The following DLGAP1 variants were observed in gnomAD, a reference collection of about 807,000 sequenced individuals.
DLGAP1 encodes disks large-associated protein 1.
DLGAP1 carries 11 observed loss-of-function variants against 90.8 expected under a neutral mutation model. The observed-to-expected ratio is 0.12, with a 90% CI of 0.08 to 0.20. The LOEUF (loss-of-function observed/expected upper bound fraction) is 0.20, where lower values mean the gene tolerates loss of function less well. Among genes scored for constraint, DLGAP1 ranks in the 10% least tolerant of loss-of-function variants. The pLI is 1.00. For missense variants in DLGAP1, 1,050 were observed against 1,333.8 expected (o/e 0.79, Z 3.31); for synonymous variants, 558 against 540.7 (o/e 1.03, Z -0.44).
chr18:4,236,430 TAGA>T (rs1390855800), intron 1 of DLGAP1, among the ~76,000 whole-genome samples: 4 of 152,158 alleles, frequency 2.6e-5, no homozygotes, highest in Non-Finnish European at 4.4e-5. Flanking sequence ...CACGGTGTGG[TAGA>T]AGGAGATTGC....
intron 3 of DLGAP1, among the ~76,000 whole-genome samples, chr18:3,898,040 C>T (rs1167746635): frequency 4.2e-4 from 64 of 152,060 alleles, no homozygotes; most frequent in Middle Eastern, 3.4e-3. Flanking sequence ...GTGATCCGCC[C>T]GCCTTGGCCT....
intron 1 of DLGAP1, among the ~76,000 whole-genome samples, chr18:4,363,588 G>A (rs2144124595): frequency 6.6e-6 from 1 of 152,234 alleles, no homozygotes; most frequent in Admixed American, 6.5e-5. Flanking sequence ...ATCAAAAAGT[G>A]GGCGAAGGAC....
At chr18:3,979,283 T>C (rs942946557) in intron 3 of DLGAP1, among the ~76,000 whole-genome samples, 2 of 152,240 alleles carry the variant, frequency 1.3e-5, no homozygotes, top group Non-Finnish European at 2.9e-5. Flanking sequence ...ACCGTGGTGT[T>C]ACACCTGCCT....
intron 6 of DLGAP1, 110 bp downstream of exon 6, chr18:3,742,225 T>A: frequency 7.5e-7 from 1 of 1,333,336 alleles, no homozygotes; most frequent in Non-Finnish European, 1.0e-6. Context: ...GTCTGATCCA[T>A]CAATGGTCTA....
chr18:4,076,455 A>G (rs2075524371), intron 2 of DLGAP1, among the ~76,000 whole-genome samples: 1 of 152,180 alleles, frequency 6.6e-6, no homozygotes, highest in Admixed American at 6.5e-5. Context: ...AAAGAATTAC[A>G]TTTTGGAAAA....
intron 3 of DLGAP1, among the ~76,000 whole-genome samples, chr18:3,952,076 G>C (rs1032743436): frequency 6.6e-6 from 1 of 152,130 alleles, no homozygotes; most frequent in African/African-American, 2.4e-5. Flanking sequence ...TTCTATAATA[G>C]AGAGATAGTT....
intron 1 of DLGAP1, among the ~76,000 whole-genome samples, chr18:4,381,411 A>G (rs530188617): frequency 1.3e-5 from 2 of 152,330 alleles, no homozygotes; most frequent in East Asian, 3.9e-4. Context: ...TCCTCAGGTA[A>G]TAACTGATGA....
At chr18:4,093,418 A>AAACC (rs1327765471) in intron 2 of DLGAP1, among the ~76,000 whole-genome samples, 1 of 152,246 alleles carries the variant, frequency 6.6e-6, no homozygotes, top group Non-Finnish European at 1.5e-5. Flanking sequence ...TTAACATTGG[A>AAACC]AACCAGATGA....
chr18:3,567,276 C>G (rs902272250), intron 9 of DLGAP1, among the ~76,000 whole-genome samples: 2 of 151,994 alleles, frequency 1.3e-5, no homozygotes, highest in Non-Finnish European at 2.9e-5. Context: ...ATGTAATATG[C>G]TTACAGTACT....
At chr18:4,415,804 C>A (rs933761705) in intron 1 of DLGAP1, among the ~76,000 whole-genome samples, 1 of 152,174 alleles carries the variant, frequency 6.6e-6, no homozygotes, top group Non-Finnish European at 1.5e-5. Context: ...AGAACAGAAA[C>A]AATGTCAGGG....
At chr18:3,860,812 G>A (rs2070003312) in intron 4 of DLGAP1, among the ~76,000 whole-genome samples, 1 of 152,176 alleles carries the variant, frequency 6.6e-6, no homozygotes, top group Non-Finnish European at 1.5e-5. Flanking sequence ...ACTATTGAGA[G>A]ATTAACAAAT....
chr18:4,334,235 TCAAACAAA>T (rs574085986), intron 1 of DLGAP1, among the ~76,000 whole-genome samples: 3 of 151,536 alleles, frequency 2.0e-5, no homozygotes, highest in Admixed American at 6.6e-5. Context: ...TGAAACTCCA[TCAAACAAA>T]CAAACAAACA....
intron 1 of DLGAP1, among the ~76,000 whole-genome samples, chr18:4,334,274 C>G (rs1462047232): frequency 1.3e-5 from 2 of 151,704 alleles, no homozygotes; most frequent in African/African-American, 4.9e-5. Flanking sequence ...CAACGCTCAC[C>G]TCAGTCTATT....
chr18:4,174,727 GC>G (rs2077078661), intron 1 of DLGAP1, among the ~76,000 whole-genome samples: 1 of 152,150 alleles, frequency 6.6e-6, no homozygotes, highest in South Asian at 2.1e-4. Flanking sequence ...ATGATGGTTT[GC>G]TGCATCTATT....
intron 1 of DLGAP1, among the ~76,000 whole-genome samples, chr18:4,354,403 C>A (rs1319829119): frequency 6.6e-6 from 1 of 152,144 alleles, no homozygotes; most frequent in Non-Finnish European, 1.5e-5. Context: ...ACAGAGGGAC[C>A]AGAAGAATCT....
intron 7 of DLGAP1, among the ~76,000 whole-genome samples, chr18:3,595,087 T>C (rs1178019951): frequency 6.6e-6 from 1 of 152,228 alleles, no homozygotes; most frequent in South Asian, 2.1e-4. Context: ...TTCTTCCTTT[T>C]GGGAACTGCT....
At chr18:4,349,352 G>T (rs1390134103) in intron 1 of DLGAP1, among the ~76,000 whole-genome samples, 1 of 152,114 alleles carries the variant, frequency 6.6e-6, no homozygotes, top group Non-Finnish European at 1.5e-5. Flanking sequence ...GAAAGTCTAA[G>T]AAGTACCCCA....
chr18:4,306,240 C>T (rs774092867), intron 1 of DLGAP1, among the ~76,000 whole-genome samples: 18 of 152,098 alleles, frequency 1.2e-4, no homozygotes, highest in Non-Finnish European at 2.6e-4. Flanking sequence ...ATTCACATGT[C>T]AGATCTTCTA....
intron 1 of DLGAP1, among the ~76,000 whole-genome samples, chr18:4,429,676 T>C (rs1319412930): frequency 6.6e-6 from 1 of 152,170 alleles, no homozygotes; most frequent in African/African-American, 2.4e-5. Flanking sequence ...GCTCATGATC[T>C]TGTAAAGCTG....
Sources: gnomAD v4.1 joint callset for allele counts (sites outside exome capture counted in the v4.1 genomes callset) on GRCh38, gnomAD v4.1.1 for gene constraint, MANE v1.5 for transcripts, NCBI Gene and HGNC (gene_info 2026-07-23, HGNC 2026-07-21) for gene names.